The following COP1 variants were observed in gnomAD, a reference collection of about 807,000 sequenced individuals.
COP1 encodes the protein COP1 E3 ubiquitin ligase.
A neutral mutation model predicts 101.3 loss-of-function variants in COP1; 24 were observed. The ratio of observed to expected loss-of-function variants is 0.24; its 90% CI spans 0.17 to 0.33. The LOEUF (loss-of-function observed/expected upper bound fraction) is 0.33. Ranked by LOEUF, COP1 falls within the 10% of genes least tolerant of loss-of-function variation. The pLI is 1.00. For synonymous variants in COP1, 347 were observed against 341.9 expected (o/e 1.01, Z -0.17); for missense variants, 663 against 906.2 (o/e 0.73, Z 3.45).
At chr1:176,084,860 T>TC (rs1553255817) in intron 10 of COP1, among the ~76,000 whole-genome samples, 79 of 150,438 alleles carry the variant, frequency 5.3e-4, no homozygotes, top group Middle Eastern at 3.4e-3. Flanking sequence ...CTTTTTTTTT[T>TC]CCCCCTTGGT....
At chr1:176,121,968 G>C (rs746123394) in intron 8 of COP1, among the ~76,000 whole-genome samples, 2 of 151,708 alleles carry the variant, frequency 1.3e-5, no homozygotes, top group Non-Finnish European at 2.9e-5. Flanking sequence ...GTGAAACCCC[G>C]TCTCTACTAA....
At chr1:175,947,978 C>T (rs1249051415) in intron 18 of COP1, among the ~76,000 whole-genome samples, 7 of 152,172 alleles carry the variant, frequency 4.6e-5, no homozygotes, top group Non-Finnish European at 8.8e-5. Context: ...ATCCTTGGCA[C>T]AAATCTCTAT....
chr1:176,206,593 T>C lies in COP1; in HGVS notation c.386A>G (p.Asp129Gly). 6.2e-7 allele frequency: 1 copy of C among 1,611,438 alleles called. No homozygotes were observed. The highest frequency in any genetic ancestry group is 8.5e-7 in the Non-Finnish European group (1 of 1,179,918). Residue 129 changes from aspartate to glycine, a missense_variant, in exon 1 of 20, where the codon GAC becomes GGC. Asp to Gly is a moderately conservative substitution (Grantham distance 94). Coordinates refer to ENST00000367669, the MANE Select transcript of COP1 (RefSeq NM_022457.7). Reference sequence around the variant, plus strand: ...CCACCATACGAAGTCGTTGCTTTTGTCCTCGTAGGAGTTGATGAGCCCGTT... The same window carrying C: ...CCACCATACGAAGTCGTTGCTTTTGCCCTCGTAGGAGTTGATGAGCCCGTT... ...LCNGLINSYE[D>G]KSNDFVCPIC...
intron 1 of COP1, 44 bp downstream of exon 1, chr1:176,206,528 A>T: frequency 1.3e-6 from 2 of 1,574,428 alleles, no homozygotes; most frequent in Non-Finnish European, 1.7e-6. Context: ...AAGCGGCAGA[A>T]ACTCATAATT....
At chr1:176,016,140 A>G (rs1466345493) in intron 15 of COP1, among the ~76,000 whole-genome samples, 1 of 152,182 alleles carries the variant, frequency 6.6e-6, no homozygotes, top group Non-Finnish European at 1.5e-5. Context: ...TAGAATAGAA[A>G]TGTCTGGAGT....
At chr1:176,079,338 T>C (rs965710886) in intron 11 of COP1, among the ~76,000 whole-genome samples, 3 of 151,984 alleles carry the variant, frequency 2.0e-5, no homozygotes, top group African/African-American at 7.3e-5. Flanking sequence ...GCAACATGAG[T>C]GAAGCTAGAG....
intron 15 of COP1, among the ~76,000 whole-genome samples, chr1:175,994,307 C>G (rs1260390206): frequency 6.6e-6 from 1 of 152,092 alleles, no homozygotes; most frequent in Non-Finnish European, 1.5e-5. Flanking sequence ...ATTGTAAAGC[C>G]CATCGAGGCT....
At chr1:176,037,551 A>C (rs1055845672) in intron 14 of COP1, among the ~76,000 whole-genome samples, 40 of 152,100 alleles carry the variant, frequency 2.6e-4, no homozygotes, top group Non-Finnish European at 1.0e-4. Context: ...CCCTCTGAAA[A>C]AAACAAACAA....
chr1:176,180,397 T>A (rs1393073159), intron 2 of COP1, among the ~76,000 whole-genome samples: 2 of 152,170 alleles, frequency 1.3e-5, no homozygotes, highest in Non-Finnish European at 2.9e-5. Flanking sequence ...CCAGCCTGCA[T>A]ACAAAGCTTT....
chr1:175,951,534 C>G (rs1019549002), intron 18 of COP1, among the ~76,000 whole-genome samples: 3 of 146,976 alleles, frequency 2.0e-5, no homozygotes, highest in South Asian at 4.3e-4. Context: ...AACTGGAAAA[C>G]TGAAAAAAAT....
intron 9 of COP1, among the ~76,000 whole-genome samples, chr1:176,105,564 AGAAAAG>A (rs1348826704): frequency 4.6e-5 from 7 of 152,210 alleles, no homozygotes; most frequent in Non-Finnish European, 8.8e-5. Context: ...GGTTTCCATC[AGAAAAG>A]GAAATTATAA....
intron 3 of COP1, among the ~76,000 whole-genome samples, chr1:176,165,026 G>A (rs1558239794): frequency 6.6e-6 from 1 of 152,064 alleles, no homozygotes; most frequent in Non-Finnish European, 1.5e-5. Context: ...ATACTTCCCA[G>A]TATATCACAA....
intron 3 of COP1, among the ~76,000 whole-genome samples, chr1:176,170,813 G>A (rs2101856547): frequency 6.6e-6 from 1 of 152,186 alleles, no homozygotes; most frequent in East Asian, 1.9e-4. Flanking sequence ...TAAAGTCCTA[G>A]ATGGCATCTT....
intron 18 of COP1, among the ~76,000 whole-genome samples, chr1:175,959,780 TAG>T (rs1283605711): frequency 6.6e-6 from 1 of 152,140 alleles, no homozygotes; most frequent in Non-Finnish European, 1.5e-5. Flanking sequence ...CTCATCTCCC[TAG>T]AGAGTCAACT....
chr1:176,034,314 T>A (rs1312230304), intron 14 of COP1, among the ~76,000 whole-genome samples: 1 of 152,186 alleles, frequency 6.6e-6, no homozygotes, highest in Non-Finnish European at 1.5e-5. Flanking sequence ...TTTTCCTTTT[T>A]ACTCTTTTTC....
chr1:176,187,378 C>CAT (rs968329258), intron 1 of COP1, among the ~76,000 whole-genome samples: 2 of 142,388 alleles, frequency 1.4e-5, no homozygotes, highest in African/African-American at 2.6e-5. Context: ...ACTATATACA[C>CAT]ATATATATAC....
intron 14 of COP1, among the ~76,000 whole-genome samples, chr1:176,036,651 C>G (rs912996384): frequency 1.3e-5 from 2 of 152,048 alleles, no homozygotes; most frequent in African/African-American, 4.8e-5. Context: ...CAGTAGGAAC[C>G]ATACTTCCAA....
intron 15 of COP1, among the ~76,000 whole-genome samples, chr1:175,993,549 AGGAGCTGAT>A (rs1284625301): frequency 6.6e-6 from 1 of 152,226 alleles, no homozygotes; most frequent in Non-Finnish European, 1.5e-5. Flanking sequence ...AAGTGCTTAA[AGGAGCTGAT>A]GGAGCTGAAA....
chr1:176,075,740 C>T (rs942924207), intron 11 of COP1, among the ~76,000 whole-genome samples: 1 of 152,094 alleles, frequency 6.6e-6, no homozygotes, highest in Non-Finnish European at 1.5e-5. Context: ...TGCGGTGGCT[C>T]ATGCCTGTAA....
Sources: allele counts gnomAD v4.1 joint callset (sites outside exome capture counted in the v4.1 genomes callset), GRCh38; gene constraint gnomAD v4.1.1; transcripts MANE v1.5; gene names NCBI Gene and HGNC (gene_info 2026-07-23, HGNC 2026-07-21).